The following GUCY1A2 variants were observed in gnomAD, a reference collection of about 807,000 sequenced individuals.
GUCY1A2 encodes guanylate cyclase soluble subunit alpha-2.
A neutral mutation model predicts 63.5 loss-of-function variants in GUCY1A2; 27 were observed. That is an observed-to-expected ratio of 0.43 (90% CI 0.31 to 0.59). The LOEUF (loss-of-function observed/expected upper bound fraction) is 0.59. Among genes scored for constraint, GUCY1A2 ranks in the 20% least tolerant of loss-of-function variants. The pLI, the probability that GUCY1A2 is intolerant of heterozygous loss-of-function variation, is 0.11. For synonymous variants in GUCY1A2, 364 were observed against 343.5 expected (o/e 1.06, Z -0.66); for missense variants, 768 against 913.3 (o/e 0.84, Z 2.05).
intron 4 of GUCY1A2, among the ~76,000 whole-genome samples, chr11:106,851,334 T>G (rs1859352303): frequency 6.6e-6 from 1 of 152,026 alleles, no homozygotes; most frequent in Non-Finnish European, 1.5e-5. Context: ...TCCTTTGCTG[T>G]GCAGAAGCTT....
rs147381336 is a variant in GUCY1A2 at position 106,763,613 on chromosome 11, C to A, written c.1836+12826G>T. 1.2e-3 allele frequency among the ~76,000 whole-genome samples: 190 copies of A among 152,078 alleles called. 1 individual carries two copies. The highest frequency in any genetic ancestry group is 2.0e-3 in the Non-Finnish European group (136 of 67,944). Reference sequence around the variant, plus strand: ...GAATCCTAGAATCAGAAAATCTGGGCGGTCAATTGAATTTTTGACTGAATG... The same window carrying A: ...GAATCCTAGAATCAGAAAATCTGGGAGGTCAATTGAATTTTTGACTGAATG... On this transcript the variant is annotated intron_variant, in intron 6 of 7. Transcript: ENST00000526355.
chr11:106,955,270 C>A (rs897701401), intron 3 of GUCY1A2, among the ~76,000 whole-genome samples: 1 of 152,184 alleles, frequency 6.6e-6, no homozygotes, highest in Non-Finnish European at 1.5e-5. Context: ...CCATGCCCGG[C>A]CCAGTCTGTC....
intron 2 of GUCY1A2, among the ~76,000 whole-genome samples, chr11:106,981,200 G>A (rs1266813988): frequency 2.0e-5 from 3 of 152,106 alleles, no homozygotes; most frequent in Non-Finnish European, 4.4e-5. Context: ...GAAAGCTTAA[G>A]TAATATCCTT....
rs1397973191 is a variant in GUCY1A2 at position 106,676,180 on chromosome 11, C to A, written c.*11369G>T. On this transcript the variant is annotated 3_prime_UTR_variant, in exon 8 of 8. Transcript: ENST00000526355. ...TTGGGAGATTATAAATTCTTTAAAT[C>A]TTGTTCAAGATTTGTTCAAATTATT... 2.8e-5 allele frequency: 5 copies of A among 181,158 alleles called. No homozygotes were observed. The highest frequency in any genetic ancestry group is 9.1e-5 in the East Asian group (1 of 11,018). The allele number at this position is 181,158 out of a possible 1,614,324, so 11.2% of individuals were successfully genotyped here.
chr11:106,888,893 C>A (rs968005747), intron 4 of GUCY1A2, among the ~76,000 whole-genome samples: 3 of 151,642 alleles, frequency 2.0e-5, no homozygotes, highest in Admixed American at 1.3e-4. Context: ...ACAGGAAGAC[C>A]AGGGAGAGCT....
At position 106,759,317 on chromosome 11, in the gene GUCY1A2, C is replaced by A. The variant is rs968496916; in HGVS notation, c.1836+17122G>T. ...ATTATGTAATTTTCACCAGTAATGTCCATCAATTCCAGAGCAAGAATTTTC... is the reference window on the plus strand; with the variant it reads ...ATTATGTAATTTTCACCAGTAATGTACATCAATTCCAGAGCAAGAATTTTC... On this transcript the variant is annotated intron_variant, in intron 6 of 7. Coordinates refer to ENST00000526355, the MANE Select transcript of GUCY1A2 (RefSeq NM_000855.3). 3.9e-5 allele frequency among the ~76,000 whole-genome samples: 6 copies of A among 152,142 alleles called. No homozygotes were observed. In the East Asian group the frequency reaches 5.8e-4, roughly 15 times the overall value.
intron 4 of GUCY1A2, among the ~76,000 whole-genome samples, chr11:106,879,287 A>G (rs2135470138): frequency 6.6e-6 from 1 of 152,276 alleles, no homozygotes; most frequent in South Asian, 2.1e-4. Flanking sequence ...GTAATTGCCC[A>G]GTACCTGTGG....
At chr11:106,691,624 A>C (rs1283850245) in intron 7 of GUCY1A2, among the ~76,000 whole-genome samples, 1 of 152,202 alleles carries the variant, frequency 6.6e-6, no homozygotes, top group Non-Finnish European at 1.5e-5. Context: ...AGAACTTTTA[A>C]ATAATTCACT....
rs1241279976 is a variant in GUCY1A2 at position 106,986,056 on chromosome 11, C to A, written c.365+14G>T. 2.3e-6 allele frequency: 3 copies of A among 1,310,576 alleles called. No homozygotes were observed. Among genetic ancestry groups the A allele is most frequent in the South Asian group, 2.4e-5 (2 of 84,610 alleles). The allele number at this position is 1,310,576 out of a possible 1,614,324, so 81.2% of individuals were successfully genotyped here. ...ATTTGTCCCCAATAATAACCGAAAT[C>A]AATTTTTACTTACCCAATAACTTGA... On this transcript the variant is annotated intron_variant, in intron 2 of 7. Coordinates refer to ENST00000526355, the MANE Select transcript of GUCY1A2 (RefSeq NM_000855.3).
At chr11:106,897,288 T>C (rs1860063842) in intron 4 of GUCY1A2, among the ~76,000 whole-genome samples, 1 of 152,128 alleles carries the variant, frequency 6.6e-6, no homozygotes, top group Non-Finnish European at 1.5e-5. Flanking sequence ...GCTCTATAGA[T>C]TCAATGAAAT....
chr11:106,920,868 C>T (rs1860435305), intron 4 of GUCY1A2, among the ~76,000 whole-genome samples: 1 of 152,026 alleles, frequency 6.6e-6, no homozygotes. Flanking sequence ...AATAATTACT[C>T]TCAAATAATG....
intron 7 of GUCY1A2, among the ~76,000 whole-genome samples, chr11:106,707,443 A>G (rs1862936199): frequency 1.3e-5 from 2 of 152,038 alleles, no homozygotes. Context: ...TTCCTACTAT[A>G]CATTTTTTTC....
intron 4 of GUCY1A2, among the ~76,000 whole-genome samples, chr11:106,901,878 G>T (rs1367738763): frequency 6.6e-6 from 1 of 152,038 alleles, no homozygotes; most frequent in African/African-American, 2.4e-5. Context: ...TCTTAATCCA[G>T]TCTATCACTG....
intron 7 of GUCY1A2, among the ~76,000 whole-genome samples, chr11:106,707,681 C>G (rs1171017897): frequency 6.6e-5 from 10 of 151,772 alleles, no homozygotes; most frequent in African/African-American, 2.4e-4. Context: ...AATGATGAGC[C>G]AAACTCATCA....
At chr11:106,844,198 T>G (rs1257787932) in intron 4 of GUCY1A2, among the ~76,000 whole-genome samples, 1 of 151,862 alleles carries the variant, frequency 6.6e-6, no homozygotes, top group Non-Finnish European at 1.5e-5. Flanking sequence ...GGTACTAATT[T>G]AGATTTTCAA....
At chr11:106,719,092 T>G (rs961481578) in intron 6 of GUCY1A2, among the ~76,000 whole-genome samples, 1 of 152,178 alleles carries the variant, frequency 6.6e-6, no homozygotes, top group African/African-American at 2.4e-5. Flanking sequence ...TTGCCCAGAT[T>G]GAAATCTACC....
At chr11:106,713,881 T>C (rs1192114390) in intron 6 of GUCY1A2, among the ~76,000 whole-genome samples, 2 of 152,064 alleles carry the variant, frequency 1.3e-5, no homozygotes, top group African/African-American at 2.4e-5. Context: ...CAATGCATGT[T>C]TGCTAGAAGT....
intron 1 of GUCY1A2, among the ~76,000 whole-genome samples, chr11:106,993,760 T>G (rs1861501369): frequency 1.3e-5 from 2 of 152,212 alleles, no homozygotes; most frequent in South Asian, 4.1e-4. Context: ...CTGCAAAGTT[T>G]AAGCACTCGT....
intron 4 of GUCY1A2, among the ~76,000 whole-genome samples, chr11:106,836,882 G>A (rs761362410): frequency 8.6e-5 from 13 of 151,842 alleles, no homozygotes; most frequent in African/African-American, 1.7e-4. Context: ...TGGTAGTGCC[G>A]GGTAGAGTCA....
Sources: gnomAD v4.1 joint callset for allele counts (sites outside exome capture counted in the v4.1 genomes callset) on GRCh38, gnomAD v4.1.1 for gene constraint, MANE v1.5 for transcripts, NCBI Gene and HGNC (gene_info 2026-07-23, HGNC 2026-07-21) for gene names.